The following SMAD3 variants were observed in gnomAD, a reference collection of about 807,000 sequenced individuals.
SMAD3 encodes the protein SMAD family member 3.
In SMAD3, 12 loss-of-function variants were observed where a neutral mutation model predicts 51.8. The ratio of observed to expected loss-of-function variants is 0.23; its 90% CI spans 0.15 to 0.38. The LOEUF is 0.38. SMAD3 is among the 10% of genes least tolerant of loss of function. The pLI, the probability that SMAD3 is intolerant of heterozygous loss-of-function variation, is 1.00. For synonymous variants in SMAD3, 238 were observed against 227.7 expected (o/e 1.05, Z -0.41); for missense variants, 294 against 565.6 (o/e 0.52, Z 4.87).
chr15:67,112,154 C>CTTTTTTTTTTTTTTTTTTTTTTTTTT (rs753530213), intron 1 of SMAD3, among the ~76,000 whole-genome samples: 1 of 90,426 alleles, frequency 1.1e-5, no homozygotes, highest in Non-Finnish European at 1.9e-5. Flanking sequence ...TTTTTCTTTC[C>CTTTTTTTTTTTTTTTTTTTTTTTTTT]TTTTTTTTTT....
chr15:67,165,480 C>T (rs1256207320), intron 3 of SMAD3, 96 bp downstream of exon 3: 5 of 1,398,282 alleles, frequency 3.6e-6, no homozygotes, highest in Non-Finnish European at 5.0e-6. Context: ...CCCTGGCCGT[C>T]CCCCGCTCAC....
intron 5 of SMAD3, chr15:67,174,417 CAG>C (rs1449609641): frequency 6.6e-6 from 1 of 152,444 alleles, no homozygotes; most frequent in Non-Finnish European, 1.5e-5. Context: ...AGGCTGAGGT[CAG>C]GGGGATGATG....
At chr15:67,177,014 A>G (rs1410619131) in intron 5 of SMAD3, among the ~76,000 whole-genome samples, 1 of 152,196 alleles carries the variant, frequency 6.6e-6, no homozygotes, top group African/African-American at 2.4e-5. Flanking sequence ...TCATTCTCCT[A>G]GAGGAGCCTT....
chr15:67,153,655 T>A (rs1751183162), intron 1 of SMAD3, among the ~76,000 whole-genome samples: 1 of 152,076 alleles, frequency 6.6e-6, no homozygotes, highest in Non-Finnish European at 1.5e-5. Context: ...TGCAGGTGGG[T>A]CACAGCTACC....
chr15:67,150,515 A>T (rs1308162066), intron 1 of SMAD3, among the ~76,000 whole-genome samples: 5 of 152,134 alleles, frequency 3.3e-5, no homozygotes, highest in African/African-American at 4.8e-5. Flanking sequence ...TCCCACCCCC[A>T]AGCGTGCAGT....
At chr15:67,184,669 C>G in intron 6 of SMAD3, 58 bp from the exon 7 acceptor site, 1 of 1,609,084 alleles carries the variant, frequency 6.2e-7, no homozygotes, top group Admixed American at 1.7e-5. Context: ...TCAGGTGGCC[C>G]CAGGGCCATT....
chr15:67,132,998 C>T (rs945946973), intron 1 of SMAD3, among the ~76,000 whole-genome samples: 7 of 152,232 alleles, frequency 4.6e-5, no homozygotes, highest in Non-Finnish European at 1.0e-4. Flanking sequence ...AAAGCATCAT[C>T]AGCTTCCTCC....
chr15:67,165,493 C>T (rs866400368), intron 3 of SMAD3, 109 bp downstream of exon 3: 11 of 1,338,248 alleles, frequency 8.2e-6, no homozygotes, highest in African/African-American at 5.7e-5. Context: ...CCGCTCACCC[C>T]CTCTTTGCGC....
At chr15:67,081,698 G>A (rs1402990115) in intron 1 of SMAD3, among the ~76,000 whole-genome samples, 2 of 152,166 alleles carry the variant, frequency 1.3e-5, no homozygotes, top group South Asian at 2.1e-4. Context: ...AGATATTACC[G>A]TCTATAAACG....
chr15:67,113,567 G>A (rs560109844), intron 1 of SMAD3, among the ~76,000 whole-genome samples: 37 of 152,312 alleles, frequency 2.4e-4, no homozygotes, highest in African/African-American at 8.2e-4. Context: ...CAACTAATAT[G>A]TTGTAAGGTT....
At chr15:67,069,371 G>A (rs1960001258) in intron 1 of SMAD3, among the ~76,000 whole-genome samples, 1 of 152,176 alleles carries the variant, frequency 6.6e-6, no homozygotes, top group African/African-American at 2.4e-5. Flanking sequence ...ACCTGCTTGA[G>A]TACCTGAGTA....
intron 1 of SMAD3, among the ~76,000 whole-genome samples, chr15:67,133,369 A>T (rs545105899): frequency 5.9e-5 from 9 of 151,614 alleles, no homozygotes; most frequent in African/African-American, 2.2e-4. Context: ...AACTTTGCCA[A>T]TGCCAATATT....
At chr15:67,153,958 T>G (rs1595933895) in intron 1 of SMAD3, among the ~76,000 whole-genome samples, 1 of 152,158 alleles carries the variant, frequency 6.6e-6, no homozygotes, top group South Asian at 2.1e-4. Flanking sequence ...TAGCCCAAGG[T>G]CTAGGCGATC....
chr15:67,175,579 G>T (rs1213012767), intron 5 of SMAD3, among the ~76,000 whole-genome samples: 1 of 152,164 alleles, frequency 6.6e-6, no homozygotes, highest in Non-Finnish European at 1.5e-5. Flanking sequence ...CCAAAGGGAG[G>T]ACCCTCCCCC....
chr15:67,153,504 T>G (rs2140279791), intron 1 of SMAD3, among the ~76,000 whole-genome samples: 1 of 143,426 alleles, frequency 7.0e-6, no homozygotes, highest in Non-Finnish European at 1.5e-5. Context: ...GCGGGGGGGA[T>G]TCCTTCTGTT....
chr15:67,184,749 C>T lies in SMAD3; in HGVS notation c.894C>T (p.Tyr298=). 1 of 1,614,078 alleles carries T rather than the reference C, an allele frequency of 6.2e-7. No homozygotes were observed. The highest frequency in any genetic ancestry group is 8.5e-7 in the Non-Finnish European group (1 of 1,180,040). The change falls in exon 7 of 9, where the codon TAC becomes TAT. Residue 298 remains tyrosine (Y), a synonymous_variant. Transcript: ENST00000327367. ...RHIGRGVRLY[Y]IGGEVFAECL... Reference sequence around the variant, plus strand: ...TAGGAAGAGGCGTGCGGCTCTACTACATCGGAGGGGAGGTCTTCGCAGAGT... The same window carrying T: ...TAGGAAGAGGCGTGCGGCTCTACTATATCGGAGGGGAGGTCTTCGCAGAGT...
At chr15:67,098,539 C>A (rs568143650) in intron 1 of SMAD3, 5 of 339,114 alleles carry the variant, frequency 1.5e-5, no homozygotes, top group East Asian at 4.3e-5. Flanking sequence ...GCCCCTGCCT[C>A]CTCAGCCCCG....
chr15:67,118,333 GAGTGTTTATTACCAGGGTTAGATAA>G (rs1961182163), intron 1 of SMAD3, among the ~76,000 whole-genome samples: 1 of 152,228 alleles, frequency 6.6e-6, no homozygotes, highest in South Asian at 2.1e-4. Flanking sequence ...TTCCTCTTCA[GAGTGTTTATTACCAGGGTTAGATAA>G]AGCAGATCTC....
In SMAD3 at chr15:67,190,550, GGT is replaced by G; in HGVS notation, c.*15_*16del. ...AGTGTGTCTTAGAGACATCAAGTAT[GGT>G]AGGGGAGGGCAGGCTTGGGGAAAAT... On this transcript the variant is annotated 3_prime_UTR_variant, in exon 9 of 9. Transcript: ENST00000327367. 6.2e-7 allele frequency: 1 copy of G among 1,613,836 alleles called. No individual in the cohort carries two copies. The highest frequency in any genetic ancestry group is 1.3e-5 in the African/African-American group (1 of 75,022).
Sources: gnomAD v4.1 joint callset for allele counts (sites outside exome capture counted in the v4.1 genomes callset) on GRCh38, gnomAD v4.1.1 for gene constraint, MANE v1.5 for transcripts, NCBI Gene and HGNC (gene_info 2026-07-23, HGNC 2026-07-21) for gene names.